Variants in PPM1E observed in about 807,000 individuals in gnomAD.
PPM1E encodes protein phosphatase 1E.
PPM1E carries 20 observed loss-of-function variants against 65.9 expected under a neutral mutation model. That is an observed-to-expected ratio of 0.30 (90% CI 0.21 to 0.44). The LOEUF (loss-of-function observed/expected upper bound fraction) is 0.44, where lower values mean the gene tolerates loss of function less well. PPM1E is among the 20% of genes least tolerant of loss of function. The pLI, the probability that PPM1E is intolerant of heterozygous loss-of-function variation, is 1.00. For synonymous variants in PPM1E, 352 were observed against 374.9 expected (o/e 0.94, Z 0.70); for missense variants, 713 against 953.1 (o/e 0.75, Z 3.32).
chr17:58,770,390 C>G (rs1363227284), intron 1 of PPM1E, among the ~76,000 whole-genome samples: 1 of 152,020 alleles, frequency 6.6e-6, no homozygotes, highest in Non-Finnish European at 1.5e-5. Flanking sequence ...GCTGGGCATG[C>G]TGGCATACTC....
chr17:58,959,781 A>G (rs1160970578), intron 2 of PPM1E, among the ~76,000 whole-genome samples: 3 of 152,184 alleles, frequency 2.0e-5, no homozygotes, highest in Non-Finnish European at 4.4e-5. Flanking sequence ...TATATGTATA[A>G]TACTAGGGAA....
chr17:58,767,605 A>G (rs889224933), intron 1 of PPM1E, among the ~76,000 whole-genome samples: 4 of 152,110 alleles, frequency 2.6e-5, no homozygotes, highest in Non-Finnish European at 5.9e-5. Context: ...ATTTTCCAGC[A>G]TTATTGAACT....
rs895692197 is a variant in PPM1E, at chr17:58,774,179, C to A, written c.464+17718C>A. On this transcript the variant is annotated intron_variant, in intron 1 of 6. Transcript: ENST00000308249. ...CTCTGTCCCCCCCCCCCAAAAAAAA[C>A]ATTATAGGTAATTATGGTGCATACT... Among the ~76,000 whole-genome samples the A allele has an allele frequency of 1.0e-4, 15 of 146,326 alleles. No individual in the cohort carries two copies. In the East Asian group the frequency reaches 2.2e-3, roughly 22 times the overall value.
rs138949536 is a variant in PPM1E at position 58,825,151 on chromosome 17, T to G, written c.464+68690T>G. ...CTTACTCATGTAACCAAATACCACC[T>G]GTACCTCAATAACTTACAGAAAACT... On this transcript the variant is annotated intron_variant, in intron 1 of 6. Transcript: ENST00000308249. Among the ~76,000 whole-genome samples the G allele has an allele frequency of 2.5e-3, 385 of 151,530 alleles. 1 individual carries two copies. The highest frequency in any genetic ancestry group is 9.0e-3 in the African/African-American group (373 of 41,262).
At chr17:58,900,518 C>T (rs373649637) in intron 1 of PPM1E, among the ~76,000 whole-genome samples, 4 of 152,258 alleles carry the variant, frequency 2.6e-5, no homozygotes, top group African/African-American at 9.6e-5. Flanking sequence ...AGACATCATG[C>T]TATTGTACAC....
At chr17:58,784,006 C>T (rs939240554) in intron 1 of PPM1E, among the ~76,000 whole-genome samples, 3 of 150,580 alleles carry the variant, frequency 2.0e-5, no homozygotes, top group Admixed American at 6.6e-5. Context: ...CCACCGTGCC[C>T]GGCCTGTTTT....
At chr17:58,767,366 G>A (rs2049891101) in intron 1 of PPM1E, among the ~76,000 whole-genome samples, 1 of 152,112 alleles carries the variant, frequency 6.6e-6, no homozygotes, top group South Asian at 2.1e-4. Context: ...ATTAACCTAG[G>A]CAGTCAGACT....
At chr17:58,777,918 T>C (rs577734992) in intron 1 of PPM1E, among the ~76,000 whole-genome samples, 1 of 152,290 alleles carries the variant, frequency 6.6e-6, no homozygotes, top group East Asian at 1.9e-4. Flanking sequence ...TATACATCAC[T>C]TATTGGTTTG....
intron 1 of PPM1E, among the ~76,000 whole-genome samples, chr17:58,848,923 G>C (rs992275620): frequency 6.6e-6 from 1 of 152,018 alleles, no homozygotes. Flanking sequence ...TTGGTTGGTA[G>C]GCTATTAATT....
intron 1 of PPM1E, among the ~76,000 whole-genome samples, chr17:58,799,056 A>T (rs2050234669): frequency 6.6e-6 from 1 of 152,126 alleles, no homozygotes; most frequent in Non-Finnish European, 1.5e-5. Context: ...TAATTTTTGT[A>T]TATAGTGTGA....
intron 1 of PPM1E, among the ~76,000 whole-genome samples, chr17:58,761,813 C>T (rs1875698460): frequency 6.6e-6 from 1 of 152,152 alleles, no homozygotes; most frequent in Non-Finnish European, 1.5e-5. Flanking sequence ...TATTTTTTGT[C>T]AGCAAATATT....
chr17:58,757,704 C>T (rs2049782649), intron 1 of PPM1E, among the ~76,000 whole-genome samples: 1 of 152,200 alleles, frequency 6.6e-6, no homozygotes, highest in Non-Finnish European at 1.5e-5. Flanking sequence ...GTTAAAGCAG[C>T]AGTTTATCAA....
chr17:58,864,913 G>A (rs1489038058), intron 1 of PPM1E, among the ~76,000 whole-genome samples: 1 of 151,920 alleles, frequency 6.6e-6, no homozygotes, highest in Admixed American at 6.6e-5. Context: ...TCCAGCCTGA[G>A]TGACAGAGCA....
intron 1 of PPM1E, among the ~76,000 whole-genome samples, chr17:58,799,442 CAGTT>C (rs1280633832): frequency 6.7e-6 from 1 of 149,680 alleles, no homozygotes; most frequent in Non-Finnish European, 1.5e-5. Context: ...CCACCACACT[CAGTT>C]ACTTTTTTTT....
intron 1 of PPM1E, among the ~76,000 whole-genome samples, chr17:58,898,179 G>A (rs1567868299): frequency 6.6e-6 from 1 of 151,704 alleles, no homozygotes; most frequent in South Asian, 2.1e-4. Flanking sequence ...TTGAACCTGG[G>A]AGGCAGAGGT....
chr17:58,816,792 ATATTTTTTT>A (rs1567842322), intron 1 of PPM1E, among the ~76,000 whole-genome samples: 5 of 8,928 alleles, frequency 5.6e-4, no homozygotes, highest in Non-Finnish European at 8.3e-4. Flanking sequence ...ATATATATAT[ATATTTTTTT>A]TTTTTTTTTT....
At chr17:58,778,936 A>G (rs1347389035) in intron 1 of PPM1E, among the ~76,000 whole-genome samples, 1 of 104,948 alleles carries the variant, frequency 9.5e-6, no homozygotes, top group Non-Finnish European at 1.8e-5. Flanking sequence ...ACATATATAT[A>G]TATATATATA....
At chr17:58,952,342 G>T (rs1276458781) in intron 1 of PPM1E, among the ~76,000 whole-genome samples, 1 of 152,198 alleles carries the variant, frequency 6.6e-6, no homozygotes, top group African/African-American at 2.4e-5. Context: ...AGGTATGACA[G>T]CCTGGGGTGG....
chr17:58,937,452 C>T (rs1480506057), intron 1 of PPM1E, among the ~76,000 whole-genome samples: 4 of 149,580 alleles, frequency 2.7e-5, no homozygotes, highest in African/African-American at 7.3e-5. Flanking sequence ...TTAGTAGAGA[C>T]GGGGTTTCAC....
Sources: allele counts gnomAD v4.1 joint callset (sites outside exome capture counted in the v4.1 genomes callset), GRCh38; gene constraint gnomAD v4.1.1; transcripts MANE v1.5; gene names NCBI Gene and HGNC (gene_info 2026-07-23, HGNC 2026-07-21).